ZNF469: variants seen among roughly 807,000 people sequenced by gnomAD.
ZNF469 encodes zinc finger protein 469.
Under a neutral mutation model 1.0 loss-of-function variants are expected in ZNF469, and 1 was observed. That is an observed-to-expected ratio of 1.00 (90% CI 0.35 to 4.73). The LOEUF (loss-of-function observed/expected upper bound fraction) is 4.73. Among genes scored for constraint, ZNF469 ranks in the 30% most tolerant of loss-of-function variants. ZNF469 has a pLI of 0.16. For missense variants in ZNF469, 6,100 were observed against 5,356.3 expected (o/e 1.14, Z -4.33); for synonymous variants, 2,703 against 2,363.4 (o/e 1.14, Z -4.17).
At chr16:88,381,418 A>C (rs2092524979), upstream of ZNF469, among the ~76,000 whole-genome samples, 1 of 150,214 alleles carries the variant, frequency 6.7e-6, no homozygotes, top group African/African-American at 2.4e-5. Flanking sequence ...ACAGACATGC[A>C]CTCTCTCACA....
At chr16:88,107,753 C>T in the ZNF469 span, among the ~76,000 whole-genome samples, 699 of 152,336 alleles carry the variant, frequency 4.6e-3, 5 homozygotes, top group African/African-American at 0.016. Context: ...GGGAAGCAGC[C>T]ACAAGTCAGG....
chr16:88,367,644 T>G, the ZNF469 span, among the ~76,000 whole-genome samples: 1 of 152,218 alleles, frequency 6.6e-6, no homozygotes, highest in Admixed American at 6.5e-5. Flanking sequence ...GTGAGTGTTC[T>G]GTGTGCTGGA....
chr16:88,257,507 C>T, the ZNF469 span, among the ~76,000 whole-genome samples: 267 of 152,282 alleles, frequency 1.8e-3, 2 homozygotes, highest in South Asian at 5.6e-3. Context: ...CAGAAGTTTT[C>T]GTTTTAATGA....
At chr16:88,207,589 T>C in the ZNF469 span, among the ~76,000 whole-genome samples, 2 of 150,312 alleles carry the variant, frequency 1.3e-5, no homozygotes, top group South Asian at 2.1e-4. Flanking sequence ...TAAAACTTAT[T>C]CTCTCCATTC....
chr16:88,402,620 C>G (rs1185509348), intron 1 of ZNF469, among the ~76,000 whole-genome samples: 1 of 152,152 alleles, frequency 6.6e-6, no homozygotes, highest in African/African-American at 2.4e-5. Context: ...TGCAGTTGAC[C>G]TGGGTCTGCC....
the ZNF469 span, among the ~76,000 whole-genome samples, chr16:88,344,569 G>A: frequency 3.6e-4 from 55 of 152,350 alleles, no homozygotes; most frequent in South Asian, 8.7e-3. Flanking sequence ...GTGAAGAGGG[G>A]CACATTGCAC....
the ZNF469 span, among the ~76,000 whole-genome samples, chr16:88,347,449 G>A: frequency 2.6e-5 from 4 of 152,214 alleles, no homozygotes; most frequent in African/African-American, 9.6e-5. Flanking sequence ...GACACCCGGA[G>A]GAGACAGTGT....
the ZNF469 span, among the ~76,000 whole-genome samples, chr16:88,288,836 C>T: frequency 7.4e-6 from 1 of 134,286 alleles, no homozygotes; most frequent in Non-Finnish European, 1.6e-5. Flanking sequence ...AAGCCTGTGA[C>T]CAGAGTTTCA....
At position 88,435,270 on chromosome 16, in the gene ZNF469, T is replaced by C; in HGVS notation, c.7800T>C (p.Asp2600=). The C allele has an allele frequency of 6.5e-7, 1 of 1,550,218 alleles. No homozygotes were observed. Among genetic ancestry groups the C allele is most frequent in the Non-Finnish European group, 8.7e-7 (1 of 1,146,944 alleles). The change falls in exon 3 of 3, where the codon GAT becomes GAC. Residue 2600 remains aspartate, a synonymous_variant. Coordinates refer to ENST00000565624, the MANE Select transcript of ZNF469 (RefSeq NM_001367624.2). ...SKPRPDQARE[D]ELHPKQAEKR... is the part of the protein sequence containing the mutation. ...CCAGACCAGACCAGGCCAGGGAAGA[T>C]GAGCTGCATCCCAAACAGGCAGAAA...
chr16:88,102,057 C>T, the ZNF469 span, among the ~76,000 whole-genome samples: 2 of 138,776 alleles, frequency 1.4e-5, no homozygotes, highest in East Asian at 2.5e-4. Context: ...ACATTCACCC[C>T]CCCACCCCCG....
chr16:88,392,471 T>C (rs1044485234), intron 1 of ZNF469, among the ~76,000 whole-genome samples: 4 of 152,206 alleles, frequency 2.6e-5, no homozygotes, highest in Non-Finnish European at 5.9e-5. Context: ...ACCTCTTTCG[T>C]CTCTGAGAGT....
At chr16:88,126,010 G>A in the ZNF469 span, among the ~76,000 whole-genome samples, 1 of 151,550 alleles carries the variant, frequency 6.6e-6, no homozygotes, top group African/African-American at 2.4e-5. Context: ...GCAACATGGT[G>A]AAACCCCGTC....
At chr16:88,308,311 G>C in the ZNF469 span, among the ~76,000 whole-genome samples, 1 of 152,166 alleles carries the variant, frequency 6.6e-6, no homozygotes, top group African/African-American at 2.4e-5. Context: ...GCTATTCTGA[G>C]TCCCTTACAT....
chr16:88,186,436 C>T, the ZNF469 span, among the ~76,000 whole-genome samples: 1 of 152,240 alleles, frequency 6.6e-6, no homozygotes, highest in East Asian at 1.9e-4. Context: ...GGCTGCGGCC[C>T]ATCGTGCGCT....
the ZNF469 span, among the ~76,000 whole-genome samples, chr16:88,136,791 T>C: frequency 1.3e-5 from 2 of 152,224 alleles, no homozygotes; most frequent in African/African-American, 4.8e-5. Context: ...GTACCGAGCG[T>C]GCCCAGTACA....
chr16:88,141,360 G>A, the ZNF469 span, among the ~76,000 whole-genome samples: 4 of 152,088 alleles, frequency 2.6e-5, no homozygotes, highest in African/African-American at 7.3e-5. Context: ...CGGGAAAGAC[G>A]CCCTGGGAGG....
At chr16:88,218,292 T>C in the ZNF469 span, among the ~76,000 whole-genome samples, 624 of 150,598 alleles carry the variant, frequency 4.1e-3, 2 homozygotes, top group Middle Eastern at 0.027. Context: ...TGGGGTTGTT[T>C]GTTTTTTTCT....
the ZNF469 span, among the ~76,000 whole-genome samples, chr16:88,216,636 G>C: frequency 6.6e-6 from 1 of 152,194 alleles, no homozygotes; most frequent in Middle Eastern, 3.2e-3. Context: ...GGTTTTGGAA[G>C]TCTTCATATG....
chr16:88,220,069 C>G, the ZNF469 span, among the ~76,000 whole-genome samples: 1 of 152,200 alleles, frequency 6.6e-6, no homozygotes, highest in African/African-American at 2.4e-5. Context: ...CTCATGATGC[C>G]TTCCAAAGAC....
Sources: allele counts gnomAD v4.1 joint callset (sites outside exome capture counted in the v4.1 genomes callset), GRCh38; gene constraint gnomAD v4.1.1; transcripts MANE v1.5; gene names NCBI Gene and HGNC (gene_info 2026-07-23, HGNC 2026-07-21).